The following HCN1 variants were observed in gnomAD, a reference collection of about 807,000 sequenced individuals.
The protein encoded by HCN1 is hyperpolarization activated cyclic nucleotide gated potassium channel 1, also known as potassium/sodium hyperpolarization-activated cyclic nucleotide-gated channel 1.
HCN1 carries 13 observed loss-of-function variants against 78.9 expected under a neutral mutation model. The observed-to-expected ratio is 0.16, with a 90% CI of 0.11 to 0.26. HCN1 has a LOEUF of 0.26. HCN1 is among the 10% of genes least tolerant of loss of function. HCN1 has a pLI of 1.00. For synonymous variants in HCN1, 552 were observed against 455.5 expected, an observed-to-expected ratio of 1.21 and a Z score of -2.70; for missense variants, 810 against 1,154.3, an observed-to-expected ratio of 0.70 and a Z score of 4.32.
At position 45,262,072 on chromosome 5, in the gene HCN1, A is replaced by G. The variant is rs776970041; in HGVS notation, c.2522T>C (p.Leu841Pro). Reference sequence around the variant, plus strand: ...GGCTCCCGACGACATCTGTCGGAAGAGGGTGACGCGCTGCGGGACAGTGCT... The same window carrying G: ...GGCTCCCGACGACATCTGTCGGAAGGGGGTGACGCGCTGCGGGACAGTGCT... The part of the protein sequence containing the change: ...GRSTVPQRVT[L>P]FRQMSSGAIP... The change falls in exon 8 of 8, where the codon CTC becomes CCC. Residue 841 changes from leucine (L) to proline (P), a missense_variant. This residue lies in a region of HCN1 where 398 missense variants were observed against 381.3 expected (regional missense o/e 1.04). Transcript: ENST00000303230. 1 of 1,613,732 alleles carries G rather than the reference A, an allele frequency of 6.2e-7. No individual in the cohort carries two copies. Among genetic ancestry groups the G allele is most frequent in the Non-Finnish European group, 8.5e-7 (1 of 1,179,906 alleles).
intron 6 of HCN1, among the ~76,000 whole-genome samples, chr5:45,276,325 C>T (rs1243373331): frequency 6.6e-6 from 1 of 152,054 alleles, no homozygotes; most frequent in Non-Finnish European, 1.5e-5. Context: ...TTCATTAGTG[C>T]AGTGTCACAC....
At chr5:45,442,966 C>A (rs1301157063) in intron 3 of HCN1, among the ~76,000 whole-genome samples, 4 of 151,950 alleles carry the variant, frequency 2.6e-5, no homozygotes, top group Non-Finnish European at 5.9e-5. Context: ...TTGTCATGTA[C>A]CTAACTTTTT....
At chr5:45,492,309 T>C (rs1418025765) in intron 2 of HCN1, among the ~76,000 whole-genome samples, 1 of 150,010 alleles carries the variant, frequency 6.7e-6, no homozygotes, top group Non-Finnish European at 1.5e-5. Context: ...TGTGTGTGTG[T>C]GTGTGTGTGT....
intron 4 of HCN1, among the ~76,000 whole-genome samples, chr5:45,374,066 A>C (rs1747522038): frequency 1.1e-5 from 1 of 91,162 alleles, no homozygotes; most frequent in Non-Finnish European, 2.1e-5. Context: ...TATATATATA[A>C]TATATATAAT....
chr5:45,298,690 C>T (rs1745548066), intron 6 of HCN1, among the ~76,000 whole-genome samples: 1 of 151,870 alleles, frequency 6.6e-6, no homozygotes, highest in African/African-American at 2.4e-5. Flanking sequence ...ATTTCCTGTT[C>T]AGGATGATTT....
intron 1 of HCN1, among the ~76,000 whole-genome samples, chr5:45,690,609 T>A (rs1399666754): frequency 6.6e-6 from 1 of 152,058 alleles, no homozygotes; most frequent in Non-Finnish European, 1.5e-5. Flanking sequence ...TGGTAAGTTG[T>A]ACATCCAGAT....
intron 3 of HCN1, among the ~76,000 whole-genome samples, chr5:45,422,710 G>A (rs989967861): frequency 6.6e-6 from 1 of 152,020 alleles, no homozygotes; most frequent in African/African-American, 2.4e-5. Flanking sequence ...TCCAGAATCA[G>A]CAATAGTTTT....
At chr5:45,370,580 T>A (rs892410809) in intron 4 of HCN1, among the ~76,000 whole-genome samples, 1 of 152,014 alleles carries the variant, frequency 6.6e-6, no homozygotes, top group East Asian at 1.9e-4. Context: ...TAATAGAAAC[T>A]ACATATTTTT....
chr5:45,440,159 A>G (rs1187738802), intron 3 of HCN1, among the ~76,000 whole-genome samples: 1 of 151,802 alleles, frequency 6.6e-6, no homozygotes, highest in African/African-American at 2.4e-5. Context: ...CTAAAGGTCC[A>G]AGACTGTCAG....
intron 2 of HCN1, among the ~76,000 whole-genome samples, chr5:45,538,987 T>A (rs1052612538): frequency 6.6e-6 from 1 of 152,186 alleles, no homozygotes; most frequent in Non-Finnish European, 1.5e-5. Flanking sequence ...AATCGATATT[T>A]TTCCCCATCC....
intron 2 of HCN1, among the ~76,000 whole-genome samples, chr5:45,491,593 CATTT>C (rs924658228): frequency 2.6e-5 from 4 of 152,094 alleles, no homozygotes; most frequent in African/African-American, 7.2e-5. Flanking sequence ...ATGCCTCATT[CATTT>C]GTTTACTTAC....
intron 2 of HCN1, among the ~76,000 whole-genome samples, chr5:45,578,145 G>C (rs1040385040): frequency 3.3e-5 from 5 of 151,992 alleles, no homozygotes; most frequent in Non-Finnish European, 7.4e-5. Flanking sequence ...GTTTACTCTA[G>C]TTCTCTTTTT....
At chr5:45,399,566 T>G (rs1218666968) in intron 3 of HCN1, among the ~76,000 whole-genome samples, 1 of 152,214 alleles carries the variant, frequency 6.6e-6, no homozygotes, top group Non-Finnish European at 1.5e-5. Context: ...ATCATAAACT[T>G]TTCAAGCTAT....
At chr5:45,377,276 T>A (rs1028142730) in intron 4 of HCN1, among the ~76,000 whole-genome samples, 2 of 151,992 alleles carry the variant, frequency 1.3e-5, no homozygotes, top group Admixed American at 1.3e-4. Flanking sequence ...AAAAAATAAC[T>A]AGATCTCAGA....
chr5:45,523,321 G>A (rs1482025792), intron 2 of HCN1, among the ~76,000 whole-genome samples: 9 of 151,984 alleles, frequency 5.9e-5, no homozygotes, highest in African/African-American at 1.9e-4. Context: ...ATAAACATAC[G>A]TGTGCATGTG....
chr5:45,680,321 T>A (rs1464019136), intron 1 of HCN1, among the ~76,000 whole-genome samples: 1 of 152,114 alleles, frequency 6.6e-6, no homozygotes, highest in African/African-American at 2.4e-5. Context: ...AGTAAAGAAT[T>A]GCTATTTTAT....
chr5:45,586,759 G>C (rs1744236860), intron 2 of HCN1, among the ~76,000 whole-genome samples: 1 of 152,080 alleles, frequency 6.6e-6, no homozygotes, highest in African/African-American at 2.4e-5. Context: ...TCATCATTTA[G>C]TCTCTTAGAG....
At chr5:45,359,400 G>A (rs1341559507) in intron 4 of HCN1, among the ~76,000 whole-genome samples, 24 of 135,614 alleles carry the variant, frequency 1.8e-4, no homozygotes, top group African/African-American at 5.8e-4. Flanking sequence ...CTTTCAGGAA[G>A]CATCAAAAAA....
chr5:45,546,851 T>C (rs1421646227), intron 2 of HCN1, among the ~76,000 whole-genome samples: 2 of 151,904 alleles, frequency 1.3e-5, no homozygotes, highest in Admixed American at 1.3e-4. Context: ...AGAAACAAGT[T>C]GTTTTCACGA....
Sources: gnomAD v4.1 joint callset for allele counts (sites outside exome capture counted in the v4.1 genomes callset) on GRCh38, gnomAD v4.1.1 for gene constraint, gnomAD v4.1.1 regional missense constraint, MANE v1.5 for transcripts, NCBI Gene and HGNC (gene_info 2026-07-23, HGNC 2026-07-21) for gene names.